Variants in MAPK6 observed in about 807,000 individuals in gnomAD.
MAPK6 encodes the protein mitogen-activated protein kinase 6.
In MAPK6, 19 loss-of-function variants were observed where a neutral mutation model predicts 59.3. That is an observed-to-expected ratio of 0.32 (90% CI 0.22 to 0.47). MAPK6 has a LOEUF of 0.47. MAPK6 is among the 20% of genes least tolerant of loss of function. MAPK6 has a pLI of 1.00. For missense variants in MAPK6, 724 were observed against 847.9 expected, an observed-to-expected ratio of 0.85 and a Z score of 1.81; for synonymous variants, 316 against 290.3, an observed-to-expected ratio of 1.09 and a Z score of -0.90.
At chr15:52,050,254 G>T in intron 3 of MAPK6, 117 bp downstream of exon 3, 1 of 908,406 alleles carries the variant, frequency 1.1e-6, no homozygotes, top group Non-Finnish European at 1.6e-6. Context: ...ATACTAAAAT[G>T]AACAGATAAA....
rs1347670085 is a variant in MAPK6 at position 52,046,560 on chromosome 15, G to A, written c.100G>A (p.Val34Ile). The change falls in exon 2 of 6, where the codon GTT becomes ATT. Residue 34 changes from valine (V) to isoleucine (I), a missense_variant. Val to Ile is a conservative substitution (Grantham distance 29). Transcript: ENST00000261845. ...KPLGCGGNGLVFSAVDNDCDK... is the reference protein window; with the variant it reads ...KPLGCGGNGLIFSAVDNDCDK... ...ATTGGGTTGTGGAGGCAATGGCTTG[G>A]TTTTTTCTGCTGTAGACAATGACTG... 1.9e-6 allele frequency: 3 copies of A among 1,613,948 alleles called. No individual in the cohort carries two copies. The highest frequency in any genetic ancestry group is 2.2e-5 in the East Asian group (1 of 44,900).
chr15:52,008,096 C>T (rs887469829), intron 3 of MAPK6, among the ~76,000 whole-genome samples: 1 of 152,154 alleles, frequency 6.6e-6, no homozygotes, highest in South Asian at 2.1e-4. Context: ...ATCCACCCGC[C>T]TCAGCCTCCC....
chr15:52,003,329 T>G (rs1414218431), intron 2 of MAPK6, among the ~76,000 whole-genome samples: 1 of 152,114 alleles, frequency 6.6e-6, no homozygotes, highest in Admixed American at 6.5e-5. Flanking sequence ...CACATGGTGA[T>G]TATGGGGATT....
intron 3 of MAPK6, among the ~76,000 whole-genome samples, chr15:52,005,882 G>A (rs1298092895): frequency 6.6e-6 from 1 of 152,110 alleles, no homozygotes; most frequent in Non-Finnish European, 1.5e-5. Context: ...TTACTGCTGG[G>A]GGACTTGTCT....
intron 1 of MAPK6, among the ~76,000 whole-genome samples, chr15:52,020,516 A>G (rs963519054): frequency 2.0e-5 from 3 of 152,128 alleles, no homozygotes; most frequent in African/African-American, 7.2e-5. Flanking sequence ...CACGCCATAC[A>G]ATGAAGAGCA....
intron 3 of MAPK6, chr15:52,011,221 G>A (rs1043640648): frequency 6.6e-6 from 1 of 152,080 alleles, no homozygotes; most frequent in African/African-American, 2.4e-5. Flanking sequence ...GGTCTATTTG[G>A]TGCCATGATT....
intron 1 of MAPK6, chr15:52,027,602 T>G (rs1197374333): frequency 1.4e-5 from 2 of 142,074 alleles, no homozygotes; most frequent in Non-Finnish European, 3.0e-5. Flanking sequence ...TCTCTTGACT[T>G]TTTTTTTAAT....
chr15:51,977,425 A>G (rs1328487911), intron 1 of MAPK6, among the ~76,000 whole-genome samples: 2 of 151,842 alleles, frequency 1.3e-5, no homozygotes, highest in Non-Finnish European at 2.9e-5. Context: ...TGCTGTGAAA[A>G]AGCCCAAAGG....
intron 2 of MAPK6, among the ~76,000 whole-genome samples, chr15:52,000,013 A>T (rs1290269728): frequency 5.3e-5 from 8 of 152,042 alleles, no homozygotes; most frequent in African/African-American, 1.9e-4. Context: ...ATCACAGCTT[A>T]CTGCAGCCCG....
chr15:52,048,305 A>G (rs1249920791), intron 2 of MAPK6, among the ~76,000 whole-genome samples: 2 of 151,874 alleles, frequency 1.3e-5, no homozygotes, highest in Non-Finnish European at 2.9e-5. Flanking sequence ...GCCCGCCACC[A>G]CGCCCAGCCC....
chr15:51,972,024 T>G (rs2057130135), intron 1 of MAPK6, among the ~76,000 whole-genome samples: 2 of 151,986 alleles, frequency 1.3e-5, no homozygotes, highest in South Asian at 2.1e-4. Context: ...GGGCGGTGAC[T>G]GGCGCTCTCT....
chr15:52,039,743 C>T (rs1461622626), intron 1 of MAPK6, among the ~76,000 whole-genome samples: 2 of 152,046 alleles, frequency 1.3e-5, no homozygotes, highest in South Asian at 2.1e-4. Flanking sequence ...TCTCCAACTC[C>T]TGGCCTCAGG....
chr15:51,986,225 A>C (rs898349690), intron 2 of MAPK6, among the ~76,000 whole-genome samples: 1 of 152,180 alleles, frequency 6.6e-6, no homozygotes, highest in African/African-American at 2.4e-5. Context: ...TGTCATGAGA[A>C]CAGCAAGAAG....
intron 2 of MAPK6, among the ~76,000 whole-genome samples, chr15:51,998,706 T>TTTTTTGTTTTTTTTTTG: frequency 8.9e-6 from 1 of 112,632 alleles, no homozygotes; most frequent in African/African-American, 3.2e-5. Flanking sequence ...TTTTTTTTTT[T>TTTTTTGTTTTTTTTTTG]TTGAGACGGA....
chr15:52,003,466 C>G (rs560651241), intron 2 of MAPK6, among the ~76,000 whole-genome samples: 184 of 152,332 alleles, frequency 1.2e-3, no homozygotes, highest in African/African-American at 4.1e-3. Context: ...AGGTAGCTCT[C>G]TGCACATGAG....
chr15:51,997,661 G>T (rs1342435571), intron 2 of MAPK6, among the ~76,000 whole-genome samples: 1 of 148,870 alleles, frequency 6.7e-6, no homozygotes, highest in East Asian at 2.0e-4. Context: ...CGTGATCTCG[G>T]CTCACTGCAA....
At chr15:52,055,430 T>C (rs1566912398) in intron 3 of MAPK6, among the ~76,000 whole-genome samples, 1 of 152,162 alleles carries the variant, frequency 6.6e-6, no homozygotes, top group Non-Finnish European at 1.5e-5. Flanking sequence ...TTTAAGTCTA[T>C]ATAATGAAAA....
rs1659333904 is a variant in MAPK6 at position 52,066,705 on chromosome 15, G to C, written c.*1705G>C. On this transcript the variant is annotated 3_prime_UTR_variant, in exon 6 of 6. Coordinates refer to ENST00000261845, the MANE Select transcript of MAPK6 (RefSeq NM_002748.4). ...TACAACACCAATTCTATTAATATCTGCCCACCTACCTTCTCAACAACTGAC... is the reference window on the plus strand; with the variant it reads ...TACAACACCAATTCTATTAATATCTCCCCACCTACCTTCTCAACAACTGAC... 6.6e-6 allele frequency: 1 copy of C among 151,440 alleles called. No individual in the cohort carries two copies. Among genetic ancestry groups the C allele is most frequent in the African/African-American group, 2.4e-5 (1 of 41,156 alleles). The allele number at this position is 151,440 out of a possible 1,614,324, so 9.4% of individuals were successfully genotyped here.
At chr15:51,992,525 C>G (rs1168391369) in intron 2 of MAPK6, among the ~76,000 whole-genome samples, 1 of 151,582 alleles carries the variant, frequency 6.6e-6, no homozygotes, top group Non-Finnish European at 1.5e-5. Context: ...AGGATGGTCT[C>G]GATCTTCTGA....
Sources: allele counts gnomAD v4.1 joint callset (sites outside exome capture counted in the v4.1 genomes callset), GRCh38; gene constraint gnomAD v4.1.1; transcripts MANE v1.5; gene names NCBI Gene and HGNC (gene_info 2026-07-23, HGNC 2026-07-21).